CCDC144A: variants seen among roughly 807,000 people sequenced by gnomAD.
CCDC144A encodes coiled-coil domain containing 144A.
CCDC144A carries 41 observed loss-of-function variants against 143.8 expected under a neutral mutation model. That is an observed-to-expected ratio of 0.29 (90% CI 0.22 to 0.37). The LOEUF (loss-of-function observed/expected upper bound fraction) is 0.37, where lower values mean the gene tolerates loss of function less well. Among genes scored for constraint, CCDC144A ranks in the 10% least tolerant of loss-of-function variants. CCDC144A has a pLI of 1.00. For missense variants in CCDC144A, 637 were observed against 1,488.8 expected, an observed-to-expected ratio of 0.43 and a Z score of 9.41; for synonymous variants, 242 against 517.9, an observed-to-expected ratio of 0.47 and a Z score of 7.23.
At chr17:16,726,064 A>G (rs1913399180) in intron 8 of CCDC144A, among the ~76,000 whole-genome samples, 1 of 152,098 alleles carries the variant, frequency 6.6e-6, no homozygotes, top group Non-Finnish European at 1.5e-5. Flanking sequence ...TTGAATCTCT[A>G]CAAGTGTAGT....
intron 12 of CCDC144A, among the ~76,000 whole-genome samples, chr17:16,756,319 CTTTTTGT>C (rs1390577067): frequency 6.6e-6 from 1 of 151,970 alleles, no homozygotes; most frequent in Non-Finnish European, 1.5e-5. Context: ...TTTATTTTTG[CTTTTTGT>C]TTGCCTGGCC....
At chr17:16,729,864 A>AT (rs1913636240) in intron 9 of CCDC144A, among the ~76,000 whole-genome samples, 2 of 142,502 alleles carry the variant, frequency 1.4e-5, no homozygotes, top group Admixed American at 7.1e-5. Flanking sequence ...CTCAAAAAAA[A>AT]AAAATATATA....
rs1915909556 is a variant in CCDC144A, at chr17:16,773,660, T to G, written c.*27T>G. ...AGATAAGGCAATTTTATTTGGGCTA[T>G]TCACATGATATTTTGTTTCCCATTA... is the stretch of plus-strand genomic sequence containing the variant. On this transcript the variant is annotated 3_prime_UTR_variant, in exon 17 of 17. Coordinates refer to ENST00000399273, the MANE Select transcript of CCDC144A (RefSeq NM_001382000.1). 1 of 1,460,818 alleles carries G rather than the reference T, an allele frequency of 6.8e-7. No homozygotes were observed. The highest frequency in any genetic ancestry group is 9.1e-7 in the Non-Finnish European group (1 of 1,100,738). The allele number at this position is 1,460,818 out of a possible 1,614,324, so 90.5% of individuals were successfully genotyped here. A position where few individuals can be genotyped will look rare whatever the true frequency, so the allele number is the denominator to read the frequency against.
At position 16,777,716 on chromosome 17, in the gene CCDC144A, G is replaced by A. The variant is rs868509164; in HGVS notation, c.*4083G>A. The A allele has an allele frequency of 1.4e-5, 2 of 138,386 alleles. No individual in the cohort carries two copies. The highest frequency in any genetic ancestry group is 3.0e-5 in the Non-Finnish European group (2 of 66,436). The allele number at this position is 138,386 out of a possible 1,614,324, so 8.6% of individuals were successfully genotyped here. A position where few individuals can be genotyped will look rare whatever the true frequency, so the allele number is the denominator to read the frequency against. On this transcript the variant is annotated 3_prime_UTR_variant, in exon 17 of 17. Transcript: ENST00000399273. Reference sequence around the variant, plus strand: ...AACTCTGGGATACAGCAAAAGTGGAGCTAAGAAGAAAATTCATAGCATTAA... The same window carrying A: ...AACTCTGGGATACAGCAAAAGTGGAACTAAGAAGAAAATTCATAGCATTAA...
intron 2 of CCDC144A, among the ~76,000 whole-genome samples, chr17:16,694,318 C>G (rs926014640): frequency 5.3e-5 from 8 of 152,222 alleles, no homozygotes; most frequent in Non-Finnish European, 1.2e-4. Context: ...GTGCTGCCCA[C>G]ACCTGTAGTC....
chr17:16,736,210 C>T (rs1201467021), intron 12 of CCDC144A, among the ~76,000 whole-genome samples: 4 of 150,612 alleles, frequency 2.7e-5, no homozygotes, highest in Non-Finnish European at 4.4e-5. Context: ...CTTGTTATGA[C>T]CTCTCAATTC....
At position 16,717,337 on chromosome 17, in the gene CCDC144A, A is replaced by G. The variant is rs577885220; in HGVS notation, c.1716-2861A>G. ...ATGTTGGCCAGGATGGTCTCGATCT[A>G]TTGACCTCATGATCCGCCCGCCTCA... is the stretch of plus-strand genomic sequence containing the variant. On this transcript the variant is annotated intron_variant, in intron 6 of 16. Transcript: ENST00000399273. Among the ~76,000 whole-genome samples the G allele has an allele frequency of 1.9e-3, 244 of 128,492 alleles. 1 individual carries two copies. The highest frequency in any genetic ancestry group is 6.3e-3 in the African/African-American group (214 of 33,876). The allele number at this position is 128,492 out of a possible 152,430, so 84.3% of individuals were successfully genotyped here. A position where few individuals can be genotyped will look rare whatever the true frequency, so the allele number is the denominator to read the frequency against.
chr17:16,733,756 G>A (rs1254210020), intron 11 of CCDC144A, among the ~76,000 whole-genome samples: 3 of 151,760 alleles, frequency 2.0e-5, no homozygotes, highest in African/African-American at 4.8e-5. Flanking sequence ...TAAAGTAAGG[G>A]GACCTAGGGA....
chr17:16,737,162 C>CTTTTT (rs757856458), intron 12 of CCDC144A, among the ~76,000 whole-genome samples: 29 of 102,666 alleles, frequency 2.8e-4, no homozygotes, highest in African/African-American at 5.6e-4. Flanking sequence ...AGAGTTAAAT[C>CTTTTT]TTTTTTTTTT....
At chr17:16,746,830 C>T (rs1318896348) in intron 12 of CCDC144A, 12 of 1,100,356 alleles carry the variant, frequency 1.1e-5, no homozygotes, top group Non-Finnish European at 1.6e-5. Context: ...CACCGCGTAC[C>T]GCGCTGGGAG....
At chr17:16,684,248 C>T in the CCDC144A span, 2 of 857,878 alleles carry the variant, frequency 2.3e-6, no homozygotes, top group Admixed American at 3.4e-5. Flanking sequence ...CTTAAATGTT[C>T]ATGTCCCATG....
At chr17:16,726,428 C>T (rs1442491616) in intron 8 of CCDC144A, among the ~76,000 whole-genome samples, 3 of 149,012 alleles carry the variant, frequency 2.0e-5, no homozygotes, top group Non-Finnish European at 4.4e-5. Context: ...ATCTTCCATG[C>T]CTCTGCCTGT....
chr17:16,732,829 G>T (rs1193563583), intron 11 of CCDC144A, among the ~76,000 whole-genome samples, 163 bp downstream of exon 11: 8 of 150,204 alleles, frequency 5.3e-5, no homozygotes, highest in Admixed American at 4.6e-4. Context: ...TGGCATTTTT[G>T]GCTCATTGAA....
rs1156780614 is a variant in CCDC144A at position 16,690,470 on chromosome 17, A to G, written c.70A>G (p.Arg24Gly). 19 of 1,612,842 alleles carry G rather than the reference A, an allele frequency of 1.2e-5. No individual in the cohort carries two copies. The highest frequency in any genetic ancestry group is 1.5e-5 in the Non-Finnish European group (18 of 1,179,578). The change falls in exon 1 of 17, where the codon AGG becomes GGG. Residue 24 changes from arginine (R) to glycine (G), a missense_variant. Arg to Gly is a moderately radical substitution (Grantham distance 125). Coordinates refer to ENST00000399273, the MANE Select transcript of CCDC144A (RefSeq NM_001382000.1). ...GSPKPAVYAT[R>G]KTPSVGSQGD... Reference sequence around the variant, plus strand: ...TCCGAAGCCGGCAGTCTACGCCACGAGGAAGACCCCTAGCGTCGGGAGCCA... The same window carrying G: ...TCCGAAGCCGGCAGTCTACGCCACGGGGAAGACCCCTAGCGTCGGGAGCCA...
chr17:16,671,681 G>T, the CCDC144A span, among the ~76,000 whole-genome samples: 2 of 151,922 alleles, frequency 1.3e-5, no homozygotes, highest in African/African-American at 4.8e-5. Context: ...TAAAATTCAG[G>T]TGGATATGGA....
At chr17:16,673,017 C>A in the CCDC144A span, among the ~76,000 whole-genome samples, 13 of 152,130 alleles carry the variant, frequency 8.5e-5, no homozygotes, top group African/African-American at 2.9e-4. Flanking sequence ...TGAAATTATT[C>A]TAGTTTTAAA....
At chr17:16,772,410 T>C (rs1206023105) in intron 16 of CCDC144A, among the ~76,000 whole-genome samples, 1 of 150,960 alleles carries the variant, frequency 6.6e-6, no homozygotes, top group African/African-American at 2.4e-5. Context: ...CAGTTACAGT[T>C]TATAAGCAGT....
intron 12 of CCDC144A, among the ~76,000 whole-genome samples, chr17:16,760,146 G>C (rs576587787): frequency 6.6e-6 from 1 of 152,072 alleles, no homozygotes; most frequent in African/African-American, 2.4e-5. Context: ...GGTAGAAGCT[G>C]TGTGACTTTT....
At chr17:16,743,140 C>T (rs1462897967) in intron 12 of CCDC144A, among the ~76,000 whole-genome samples, 3 of 152,102 alleles carry the variant, frequency 2.0e-5, no homozygotes, top group African/African-American at 7.2e-5. Context: ...CCCGTGATAA[C>T]TTAGCTATAA....
Sources: gnomAD v4.1 joint callset for allele counts (sites outside exome capture counted in the v4.1 genomes callset) on GRCh38, gnomAD v4.1.1 for gene constraint, MANE v1.5 for transcripts, NCBI Gene and HGNC (gene_info 2026-07-23, HGNC 2026-07-21) for gene names.